The following ATG9A variants were observed in gnomAD, a reference collection of about 807,000 sequenced individuals.
The protein encoded by ATG9A is autophagy-related protein 9A.
Under a neutral mutation model 87.1 loss-of-function variants are expected in ATG9A, and 21 were observed. The ratio of observed to expected loss-of-function variants is 0.24; its 90% CI spans 0.17 to 0.35. The LOEUF (loss-of-function observed/expected upper bound fraction) is 0.35, where lower values mean the gene tolerates loss of function less well. ATG9A is among the 10% of genes least tolerant of loss of function. The pLI, the probability that ATG9A is intolerant of heterozygous loss-of-function variation, is 1.00. For synonymous variants in ATG9A, 422 were observed against 441.3 expected (o/e 0.96, Z 0.55); for missense variants, 836 against 1,107.3 (o/e 0.76, Z 3.48).
chr2:219,226,703 G>A (rs569983670), intron 5 of ATG9A, among the ~76,000 whole-genome samples, 166 bp downstream of exon 5: 16 of 152,186 alleles, frequency 1.1e-4, no homozygotes, highest in Admixed American at 9.2e-4. Flanking sequence ...AAAGAAAGGT[G>A]AAGCTGTAAG....
intron 13 of ATG9A, among the ~76,000 whole-genome samples, chr2:219,221,701 C>A (rs979831165): frequency 6.6e-6 from 1 of 152,118 alleles, no homozygotes; most frequent in East Asian, 1.9e-4. Context: ...TGATATGTCA[C>A]ATGGTGCTAA....
Position 219,227,799 on chromosome 2 carries a change from T to C in ATG9A, c.118A>G (p.Ile40Val). The C allele has an allele frequency of 1.2e-6, 2 of 1,614,136 alleles. No individual in the cohort carries two copies. The highest frequency in any genetic ancestry group is 4.5e-5 in the East Asian group (2 of 44,878). ...GAGAAGAAGAGGTCAAGGTTTTCAATATGGTGCCAAGGTGCTGTGGGATAG... is the reference window on the plus strand; with the variant it reads ...GAGAAGAAGAGGTCAAGGTTTTCAACATGGTGCCAAGGTGCTGTGGGATAG... ...AEGSKSPWHH[I>V]ENLDLFFSRV... The change falls in exon 4 of 16, where the codon ATT becomes GTT. Residue 40 changes from isoleucine (I) to valine (V), a missense_variant. By Grantham distance (29) the Ile-to-Val change is conservative. This residue lies in a region of ATG9A where 512 missense variants were observed against 759.6 expected (regional missense o/e 0.67). Coordinates refer to ENST00000361242, the MANE Select transcript of ATG9A (RefSeq NM_001077198.3).
chr2:219,228,088 G>C (rs1950902959), intron 2 of ATG9A, 35 bp from the exon 3 acceptor site: 2 of 1,469,666 alleles, frequency 1.4e-6, no homozygotes, highest in Admixed American at 1.9e-5. Flanking sequence ...CCCTGATTCA[G>C]TTCCAGCTGC....
chr2:219,220,519 A>G (rs1456518056), intron 15 of ATG9A, 67 bp from the exon 16 acceptor site: 6 of 1,597,184 alleles, frequency 3.8e-6, no homozygotes, highest in East Asian at 4.5e-5. Context: ...CTAGCCCCAT[A>G]GAAACCTAGA....
In ATG9A at chr2:219,222,038, C is replaced by T; in HGVS notation, c.2145+12G>A. On this transcript the variant is annotated intron_variant, in intron 13 of 15. Coordinates refer to ENST00000361242, the MANE Select transcript of ATG9A (RefSeq NM_001077198.3). The surrounding 1 kb of genome is among the most constrained non-coding windows in gnomAD (Gnocchi z 4.3). ...CTAAACCCTCTACTCTCTTTTTTAG[C>T]TGTGCACTCACCTGGTGCATATAGA... 1.2e-6 allele frequency: 2 copies of T among 1,608,456 alleles called. No homozygotes were observed. Among genetic ancestry groups the T allele is most frequent in the Non-Finnish European group, 1.7e-6 (2 of 1,176,192 alleles).
At position 219,222,523 on chromosome 2, in the gene ATG9A, C is replaced by A; in HGVS notation, c.1849-73G>T. ...TCTGGGGTCCCCTAGTATTCTGTAT[C>A]TCAGGCCCCAGTGGCACATACTGAA... On this transcript the variant is annotated intron_variant, in intron 11 of 15. Transcript: ENST00000361242. The surrounding 1 kb of genome is among the most constrained non-coding windows in gnomAD (Gnocchi z 4.3). The A allele has an allele frequency of 1.3e-6, 2 of 1,559,764 alleles. No homozygotes were observed. Among genetic ancestry groups the A allele is most frequent in the Non-Finnish European group, 1.7e-6 (2 of 1,151,358 alleles).
chr2:219,224,733 A>G lies in ATG9A; in HGVS notation c.638T>C (p.Leu213Pro). 6.2e-7 allele frequency: 1 copy of G among 1,614,212 alleles called. No individual in the cohort carries two copies. Reference sequence around the variant, plus strand: ...TGCCACCATGTAGTTCTGGAAACGGAGGATGCGGTGGTAGATGTCCAGTTC... The same window carrying G: ...TGCCACCATGTAGTTCTGGAAACGGGGGATGCGGTGGTAGATGTCCAGTTC... Reference protein sequence around the residue: ...LTELDIYHRILRFQNYMVALV... With the variant: ...LTELDIYHRIPRFQNYMVALV... Residue 213 changes from leucine (L) to proline (P), a missense_variant, in exon 8 of 16, where the codon CTC (leucine) becomes CCC (proline). By Grantham distance (98) the Leu-to-Pro change is moderately conservative. Transcript: ENST00000361242. This position sits in a 1 kb window ranked among gnomAD's most constrained non-coding sequence, Gnocchi z 7.7.
rs1950792146 is a variant in ATG9A at position 219,222,998 on chromosome 2, G to A, written c.1600-105C>T. On this transcript the variant is annotated intron_variant, in intron 10 of 15. Coordinates refer to ENST00000361242, the MANE Select transcript of ATG9A (RefSeq NM_001077198.3). The surrounding 1 kb of genome is among the most constrained non-coding windows in gnomAD (Gnocchi z 4.3). ...TTACCCTTGGAGAACGGAGACCACA[G>A]TATACTGTCAATCTTTCCCAGGGCA... The A allele has an allele frequency of 7.0e-7, 1 of 1,425,240 alleles. No individual in the cohort carries two copies. The highest frequency in any genetic ancestry group is 2.0e-5 in the Admixed American group (1 of 49,896). 88.3% of individuals were successfully genotyped at this position (1,425,240 alleles called of 1,614,324 possible). A position where few individuals can be genotyped will look rare whatever the true frequency, so the allele number is the denominator to read the frequency against.
chr2:219,220,615 AGT>A (rs1950733118), intron 15 of ATG9A, 130 bp downstream of exon 15: 12 of 1,462,648 alleles, frequency 8.2e-6, no homozygotes, highest in Middle Eastern at 3.6e-4. Context: ...AAGAAGGGGT[AGT>A]GTGTTTTGGA....
chr2:219,220,573 G>C, intron 15 of ATG9A, 121 bp from the exon 16 acceptor site: 1 of 1,529,834 alleles, frequency 6.5e-7, no homozygotes, highest in Non-Finnish European at 9.0e-7. Flanking sequence ...GGTAAGGTAA[G>C]GAAAAACCAA....
Position 219,223,003 on chromosome 2 carries a change from C to T in ATG9A, c.1600-110G>A, listed in dbSNP as rs1350634507. The T allele has an allele frequency of 6.4e-6, 9 of 1,414,652 alleles. No individual in the cohort carries two copies. Among genetic ancestry groups the T allele is most frequent in the Admixed American group, 2.0e-5 (1 of 48,840 alleles). 87.6% of individuals were successfully genotyped at this position (1,414,652 alleles called of 1,614,324 possible). A position where few individuals can be genotyped will look rare whatever the true frequency, so the allele number is the denominator to read the frequency against. ...CTTGGAGAACGGAGACCACAGTATA[C>T]TGTCAATCTTTCCCAGGGCACTGGT... On this transcript the variant is annotated intron_variant, in intron 10 of 15. Coordinates refer to ENST00000361242, the MANE Select transcript of ATG9A (RefSeq NM_001077198.3). This position sits in a 1 kb window ranked among gnomAD's most constrained non-coding sequence, Gnocchi z 4.7.
At position 219,225,583 on chromosome 2, in the gene ATG9A, G is replaced by C. The variant is rs977816317; in HGVS notation, c.213-11C>G. ...ACAAAGAGGAACTGCCTGGGGAGTT[G>C]GGAAGAAGGGGTGCAGTCTGAGAGC... On this transcript the variant is annotated splice_polypyrimidine_tract_variant and intron_variant, in intron 5 of 15. Coordinates refer to ENST00000361242, the MANE Select transcript of ATG9A (RefSeq NM_001077198.3). The C allele has an allele frequency of 6.2e-7, 1 of 1,612,938 alleles. No individual in the cohort carries two copies. The highest frequency in any genetic ancestry group is 1.3e-5 in the African/African-American group (1 of 74,896).
intron 15 of ATG9A, 41 bp from the exon 16 acceptor site, chr2:219,220,493 T>A: frequency 6.2e-7 from 1 of 1,611,872 alleles, no homozygotes; most frequent in South Asian, 1.1e-5. Context: ...AGTCTTCAGC[T>A]TCTGGTTGAT....
intron 4 of ATG9A, 89 bp downstream of exon 4, chr2:219,227,681 A>C: frequency 1.4e-6 from 2 of 1,475,722 alleles, no homozygotes; most frequent in Middle Eastern, 1.8e-4. Context: ...CAGGTATTAG[A>C]GTCAAACCTA....
chr2:219,222,435 C>A lies in ATG9A; in HGVS notation c.1864G>T (p.Ala622Ser). 1 of 1,569,284 alleles carries A rather than the reference C, an allele frequency of 6.4e-7. No individual in the cohort carries two copies. The highest frequency in any genetic ancestry group is 1.9e-5 in the Admixed American group (1 of 52,878). Residue 622 changes from alanine to serine, a missense_variant, in exon 12 of 16, where the codon GCA becomes TCA. Coordinates refer to ENST00000361242, the MANE Select transcript of ATG9A (RefSeq NM_001077198.3). This position sits in a 1 kb window ranked among gnomAD's most constrained non-coding sequence, Gnocchi z 4.3. ...QSESEPLSLI[A>S]NVVAGSSCRG... ...CAGGATGAGCCAGCTACCACATTTG[C>A]GATAAGGCTCAGGGGCTATGAACGA...
In ATG9A at chr2:219,224,267, G is replaced by A. The variant is rs1487663399; in HGVS notation, c.1104C>T (p.Phe368=). ...YKPASKYMNC[F]LSPLLTLLAK... ...CCAGCAGTGTCAAAAGAGGTGACAA[G>A]AAGCAATTCATGTACTTGGAGGCGG... Residue 368 remains phenylalanine, a synonymous_variant, in exon 8 of 16, where the codon TTC becomes TTT. Transcript: ENST00000361242. The surrounding 1 kb of genome is among the most constrained non-coding windows in gnomAD (Gnocchi z 7.7). 1.2e-6 allele frequency: 2 copies of A among 1,613,926 alleles called. No homozygotes were observed. Among genetic ancestry groups the A allele is most frequent in the Non-Finnish European group, 1.7e-6 (2 of 1,180,058 alleles).
In ATG9A at chr2:219,222,101, C is replaced by T. The variant is rs759811280; in HGVS notation, c.2094G>A (p.Leu698=). 6.8e-6 allele frequency: 11 copies of T among 1,613,974 alleles called. No homozygotes were observed. Among genetic ancestry groups the T allele is most frequent in the Non-Finnish European group, 2.5e-6 (3 of 1,180,040 alleles). The change falls in exon 13 of 16, where the codon CTG becomes CTA. Residue 698 remains leucine, a synonymous_variant. Coordinates refer to ENST00000361242, the MANE Select transcript of ATG9A (RefSeq NM_001077198.3). The surrounding 1 kb of genome is among the most constrained non-coding windows in gnomAD (Gnocchi z 4.3). ...TCATCTCTGTGGATGCATATTCTGA[C>T]AGCACCAGGCTCTGCAGCTGTCCTT... The part of the protein sequence containing the change: ...VWEGQLQSLV[L]SEYASTEMSL...
Position 219,221,204 on chromosome 2 carries a change from C to G in ATG9A, c.2244G>C (p.Glu748Asp), listed in dbSNP as rs767908706. The change falls in exon 14 of 16, where the codon GAG (glutamate) becomes GAC (aspartate). Residue 748 changes from glutamate (E) to aspartate (D), a missense_variant. Physicochemically the swap from Glu to Asp is conservative, Grantham distance 45 (BLOSUM62 2). Transcript: ENST00000361242. Reference sequence around the variant, plus strand: ...GGATAGACTGGGGGGCCCGGGCGCCCTCTCCCCCTTCATCAGGGGCGCTTT... The same window carrying G: ...GGATAGACTGGGGGGCCCGGGCGCCGTCTCCCCCTTCATCAGGGGCGCTTT... ...SGESAPDEGG[E>D]GARAPQSIPR... The G allele has an allele frequency of 1.3e-6, 2 of 1,591,668 alleles. No individual in the cohort carries two copies. The highest frequency in any genetic ancestry group is 1.7e-6 in the Non-Finnish European group (2 of 1,169,456).
chr2:219,221,207 T>C lies in ATG9A; in HGVS notation c.2241A>G (p.Gly747=). 1 of 1,589,708 alleles carries C rather than the reference T, an allele frequency of 6.3e-7. No homozygotes were observed. The highest frequency in any genetic ancestry group is 8.6e-7 in the Non-Finnish European group (1 of 1,168,422). The change falls in exon 14 of 16, where the codon GGA becomes GGG. Residue 747 remains glycine, a synonymous_variant. Transcript: ENST00000361242. ...TAGACTGGGGGGCCCGGGCGCCCTCTCCCCCTTCATCAGGGGCGCTTTCTC... is the reference window on the plus strand; with the variant it reads ...TAGACTGGGGGGCCCGGGCGCCCTCCCCCCCTTCATCAGGGGCGCTTTCTC... ...ESGESAPDEG[G]EGARAPQSIP...
Sources: gnomAD v4.1 joint callset for allele counts (sites outside exome capture counted in the v4.1 genomes callset) on GRCh38, gnomAD v4.1.1 for gene constraint, gnomAD v4.1.1 regional missense constraint, Gnocchi (gnomAD v3.1) non-coding constraint, MANE v1.5 for transcripts, NCBI Gene and HGNC (gene_info 2026-07-23, HGNC 2026-07-21) for gene names.